The following NPM1 variants were observed in gnomAD, a reference collection of about 807,000 sequenced individuals.
NPM1 encodes the protein nucleophosmin 1.
NPM1 carries 1 observed loss-of-function variant against 44.1 expected under a neutral mutation model. The ratio of observed to expected loss-of-function variants is 0.02; its 90% CI spans 0.01 to 0.11. The LOEUF is 0.11. Ranked by LOEUF, NPM1 falls within the 10% of genes least tolerant of loss-of-function variation. The pLI, the probability that NPM1 is intolerant of heterozygous loss-of-function variation, is 1.00. For missense variants in NPM1, 197 were observed against 347.8 expected (o/e 0.57, Z 3.45); for synonymous variants, 126 against 111.8 (o/e 1.13, Z -0.80).
At position 171,391,316 on chromosome 5, in the gene NPM1, G is replaced by A. The variant is rs2113168043; in HGVS notation, c.150G>A (p.Gly50=). ...HQLSLRTVSL[G]AGAKDELHIV... ...TTTTTTGTTCACAGGTCAGTTTAGG[G>A]GCTGGTGCAAAGGATGAGTTGCACA... The change falls in exon 3 of 11, where the codon GGG becomes GGA. Residue 50 remains glycine (G), a synonymous_variant. Coordinates refer to ENST00000296930, the MANE Select transcript of NPM1 (RefSeq NM_002520.7). 6.2e-7 allele frequency: 1 copy of A among 1,613,618 alleles called. No homozygotes were observed. The highest frequency in any genetic ancestry group is 8.5e-7 in the Non-Finnish European group (1 of 1,179,814).
chr5:171,402,305 T>TA (rs772434694), intron 8 of NPM1, among the ~76,000 whole-genome samples: 2 of 151,174 alleles, frequency 1.3e-5, no homozygotes, highest in Admixed American at 6.6e-5. Context: ...CACAATGAGA[T>TA]ACCATCTCAC....
rs560654268 is a variant in NPM1 at position 171,394,189 on chromosome 5, G to A, written c.524+1211G>A. ...CCCGGGTAGCTGGGACTGCAGGCTC[G>A]GGGCACCATGCCCTGCTAATTTTTG... On this transcript the variant is annotated intron_variant, in intron 6 of 10. Coordinates refer to ENST00000296930, the MANE Select transcript of NPM1 (RefSeq NM_002520.7). 1.4e-4 allele frequency among the ~76,000 whole-genome samples: 22 copies of A among 151,738 alleles called. 1 individual carries two copies. In the South Asian group the frequency reaches 3.5e-3, roughly 24 times the overall value.
intron 8 of NPM1, among the ~76,000 whole-genome samples, chr5:171,404,166 G>T (rs1445272011): frequency 1.1e-5 from 1 of 92,332 alleles, no homozygotes; most frequent in African/African-American, 4.5e-5. Context: ...GGATGGCACG[G>T]CTGGCCGGTC....
chr5:171,404,450 C>T (rs1196068450), intron 8 of NPM1, among the ~76,000 whole-genome samples: 15 of 87,450 alleles, frequency 1.7e-4, no homozygotes, highest in African/African-American at 5.6e-4. Flanking sequence ...CTCCTCACCT[C>T]CCAGACGGGG....
Position 171,392,949 on chromosome 5 carries a change from CGAT to C in NPM1, c.504_506del (p.Asp168del), listed in dbSNP as rs751654967. The stretch of plus-strand genomic sequence containing the variant: ...AACTTGCTGCTGATGAAGATGATGA[CGAT>C]GATGATGAAGAGGATGATGATGAAG... On this transcript the variant is annotated inframe_deletion, in exon 6 of 11. Coordinates refer to ENST00000296930, the MANE Select transcript of NPM1 (RefSeq NM_002520.7). 118 of 1,607,682 alleles carry C rather than the reference CGAT, an allele frequency of 7.3e-5. No individual in the cohort carries two copies. In the East Asian group the frequency reaches 7.4e-4, roughly 10 times the overall value.
intron 6 of NPM1, among the ~76,000 whole-genome samples, chr5:171,398,646 C>T (rs1302995397): frequency 6.6e-6 from 1 of 152,096 alleles, no homozygotes; most frequent in African/African-American, 2.4e-5. Flanking sequence ...TAGCGTGTGC[C>T]TGTAGTCCCA....
intron 6 of NPM1, among the ~76,000 whole-genome samples, chr5:171,394,333 C>T (rs1561866911): frequency 6.6e-6 from 1 of 152,108 alleles, no homozygotes; most frequent in African/African-American, 2.4e-5. Flanking sequence ...CCACTGCGCC[C>T]AGCCAAATTT....
intron 9 of NPM1, among the ~76,000 whole-genome samples, chr5:171,406,113 T>C (rs1771548385): frequency 6.6e-6 from 1 of 152,164 alleles, no homozygotes; most frequent in Non-Finnish European, 1.5e-5. Context: ...ACTCCAACTA[T>C]TGAGAGCAAA....
chr5:171,406,369 T>C, intron 9 of NPM1: 1 of 1,595,464 alleles, frequency 6.3e-7, no homozygotes, highest in Non-Finnish European at 8.6e-7. Context: ...CATTTTAATA[T>C]GGTCCTATCT....
intron 6 of NPM1, among the ~76,000 whole-genome samples, chr5:171,397,513 C>T (rs1030007445): frequency 2.6e-5 from 4 of 152,268 alleles, no homozygotes; most frequent in South Asian, 2.1e-4. Flanking sequence ...GGTTTGATTG[C>T]GTCTCCCTGT....
intron 6 of NPM1, among the ~76,000 whole-genome samples, chr5:171,393,531 A>G (rs1770706876): frequency 6.6e-6 from 1 of 152,206 alleles, no homozygotes; most frequent in African/African-American, 2.4e-5. Context: ...ATTAAACTAG[A>G]TCAAACTATT....
At chr5:171,387,444 C>G (rs1042241341), upstream of NPM1, among the ~76,000 whole-genome samples, 8 of 152,154 alleles carry the variant, frequency 5.3e-5, no homozygotes, top group Admixed American at 1.3e-4. Context: ...CTGGCTCATT[C>G]GCAGCCGGCT....
At chr5:171,387,713 T>G (rs1454503703), upstream of NPM1, 17 of 491,918 alleles carry the variant, frequency 3.5e-5, no homozygotes, top group African/African-American at 1.1e-4. Flanking sequence ...TAGAAAGGAG[T>G]GGGGTTGAAA....
rs558430835 is a variant in NPM1, at chr5:171,400,295, G to A, written c.582+85G>A. 2.3e-3 allele frequency: 2,151 copies of A among 955,920 alleles called. 49 individuals carry two copies. In the South Asian group the frequency reaches 0.038, roughly 17 times the overall value. The allele number at this position is 955,920 out of a possible 1,614,324, so 59.2% of individuals were successfully genotyped here. A position where few individuals can be genotyped will look rare whatever the true frequency, so the allele number is the denominator to read the frequency against. On this transcript the variant is annotated intron_variant, in intron 7 of 10. Transcript: ENST00000296930. ...TGCTATTTGCTTGTTTTGTAGTTAA[G>A]GGAAGCTGGTGTGGGAGATCATCTC...
chr5:171,390,018 C>T (rs781458582), intron 1 of NPM1, 33 bp from the exon 2 acceptor site: 6 of 1,329,970 alleles, frequency 4.5e-6, no homozygotes, highest in African/African-American at 1.5e-5. Context: ...TTATTTTTCT[C>T]CTTGTTAGAG....
chr5:171,395,356 A>G (rs1225495458), intron 6 of NPM1, among the ~76,000 whole-genome samples: 2 of 151,570 alleles, frequency 1.3e-5, no homozygotes, highest in African/African-American at 2.4e-5. Context: ...CTGGTGTGCA[A>G]TGGTATGATC....
intron 8 of NPM1, among the ~76,000 whole-genome samples, chr5:171,401,264 A>G (rs1344921007): frequency 1.3e-5 from 2 of 152,048 alleles, no homozygotes; most frequent in South Asian, 4.2e-4. Context: ...AGGTGGAGAC[A>G]GGAGAATTGC....
chr5:171,408,704 G>A (rs544782388), intron 10 of NPM1, among the ~76,000 whole-genome samples: 2 of 152,146 alleles, frequency 1.3e-5, no homozygotes, highest in South Asian at 4.2e-4. Context: ...TGAGTTTTGG[G>A]AGTTTATTTG....
At chr5:171,409,377 C>G (rs924800084) in intron 10 of NPM1, among the ~76,000 whole-genome samples, 3 of 149,052 alleles carry the variant, frequency 2.0e-5, no homozygotes, top group African/African-American at 7.8e-5. Flanking sequence ...CATGGCAAAA[C>G]TCTGTCTCTA....
Sources: allele counts gnomAD v4.1 joint callset (sites outside exome capture counted in the v4.1 genomes callset), GRCh38; gene constraint gnomAD v4.1.1; transcripts MANE v1.5; gene names NCBI Gene and HGNC (gene_info 2026-07-23, HGNC 2026-07-21).